The following CCDC3 variants were observed in gnomAD, a reference collection of about 807,000 sequenced individuals.
The protein encoded by CCDC3 is coiled-coil domain containing 3.
A neutral mutation model predicts 21.4 loss-of-function variants in CCDC3; 24 were observed. The observed-to-expected ratio is 1.12, with a 90% confidence interval of 0.81 to 1.58. The LOEUF (loss-of-function observed/expected upper bound fraction) is 1.58. CCDC3 is among the 40% of genes most tolerant of loss of function. The pLI is 0.00. For synonymous variants in CCDC3, 186 were observed against 166.0 expected, an observed-to-expected ratio of 1.12 and a Z score of -0.93; for missense variants, 425 against 360.9, an observed-to-expected ratio of 1.18 and a Z score of -1.44.
At chr10:13,058,323 A>G in intron 4 of CCDC3, 1 of 1,317,000 alleles carries the variant, frequency 7.6e-7, no homozygotes, top group South Asian at 1.2e-5. Flanking sequence ...TGGCCTTCAT[A>G]GATCTTGTCC....
intron 3 of CCDC3, among the ~76,000 whole-genome samples, chr10:13,075,977 G>A (rs553506440): frequency 6.6e-5 from 10 of 152,198 alleles, no homozygotes; most frequent in African/African-American, 2.2e-4. Flanking sequence ...CAGGAGAATT[G>A]CTTGAACCTG....
chr10:12,960,320 C>T (rs1348328547), intron 2 of CCDC3, among the ~76,000 whole-genome samples: 2 of 152,106 alleles, frequency 1.3e-5, no homozygotes, highest in African/African-American at 4.8e-5. Context: ...ATTTCATTAT[C>T]TTTGAGTGTG....
intron 2 of CCDC3, among the ~76,000 whole-genome samples, chr10:12,962,402 A>C (rs753344550): frequency 6.6e-6 from 1 of 152,194 alleles, no homozygotes; most frequent in Non-Finnish European, 1.5e-5. Flanking sequence ...CAAGAGATCA[A>C]GACCATCCTG....
chr10:12,905,456 G>A (rs1162408627), intron 2 of CCDC3, among the ~76,000 whole-genome samples: 1 of 152,136 alleles, frequency 6.6e-6, no homozygotes, highest in Non-Finnish European at 1.5e-5. Context: ...GGGTTTGGAG[G>A]GCAGCTGGTC....
At chr10:12,934,080 ATAAAATTTTCTGTT>A (rs1458530923) in intron 2 of CCDC3, among the ~76,000 whole-genome samples, 1 of 152,244 alleles carries the variant, frequency 6.6e-6, no homozygotes, top group Non-Finnish European at 1.5e-5. Context: ...ATTTCATGCT[ATAAAATTTTCTGTT>A]AAGCTTTATT....
At chr10:12,986,785 C>CA (rs57601556) in intron 2 of CCDC3, among the ~76,000 whole-genome samples, 95,405 of 148,522 alleles carry the variant, frequency 0.64, 32,119 homozygotes, top group Non-Finnish European at 0.75. Context: ...AAAAAAAAAA[C>CA]AAAAAAACAA....
chr10:12,920,068 T>C (rs1047201944), intron 2 of CCDC3, among the ~76,000 whole-genome samples: 1 of 152,122 alleles, frequency 6.6e-6, no homozygotes, highest in Non-Finnish European at 1.5e-5. Flanking sequence ...TCTGTTTTCA[T>C]GCTGTGGATA....
intron 5 of CCDC3, among the ~76,000 whole-genome samples, chr10:13,035,484 C>G (rs1233502251): frequency 1.3e-5 from 2 of 152,168 alleles, no homozygotes; most frequent in African/African-American, 4.8e-5. Context: ...GAACAGGCCT[C>G]CTACTCTATG....
upstream of CCDC3, among the ~76,000 whole-genome samples, chr10:13,002,064 G>A (rs962060589): frequency 6.6e-6 from 1 of 152,210 alleles, no homozygotes; most frequent in Non-Finnish European, 1.5e-5. Flanking sequence ...ACATTTCAGA[G>A]TAAAAATACA....
chr10:13,003,669 T>C (rs1460925090), upstream of CCDC3, among the ~76,000 whole-genome samples: 3 of 152,224 alleles, frequency 2.0e-5, no homozygotes, highest in Non-Finnish European at 4.4e-5. Flanking sequence ...AGAAAGTTTT[T>C]CTTACTAACT....
chr10:13,052,000 A>G (rs1454531424), intron 4 of CCDC3, among the ~76,000 whole-genome samples: 2 of 152,134 alleles, frequency 1.3e-5, no homozygotes, highest in African/African-American at 4.8e-5. Context: ...GCAGCTGCTC[A>G]TCTAAGCATG....
At chr10:12,900,453 C>A (rs939478824) in intron 2 of CCDC3, among the ~76,000 whole-genome samples, 3 of 138,064 alleles carry the variant, frequency 2.2e-5, no homozygotes, top group Non-Finnish European at 4.5e-5. Context: ...CTGAGGTGGG[C>A]GGATCACAAG....
At chr10:12,914,282 G>C (rs1834315415) in intron 2 of CCDC3, among the ~76,000 whole-genome samples, 1 of 152,002 alleles carries the variant, frequency 6.6e-6, no homozygotes, top group Non-Finnish European at 1.5e-5. Flanking sequence ...CAAATTTTCT[G>C]TTTACTCATG....
upstream of CCDC3, among the ~76,000 whole-genome samples, chr10:13,005,365 C>T (rs1009336486): frequency 1.3e-5 from 2 of 152,210 alleles, no homozygotes; most frequent in Admixed American, 1.3e-4. Context: ...ATGCAACTTG[C>T]TTGCACCATC....
At chr10:13,055,056 C>T (rs917463003) in intron 4 of CCDC3, among the ~76,000 whole-genome samples, 6 of 152,202 alleles carry the variant, frequency 3.9e-5, no homozygotes, top group Admixed American at 1.3e-4. Context: ...GTTATGCAGG[C>T]AGCTGCAAAC....
chr10:12,921,165 T>C (rs1414924713), intron 2 of CCDC3, among the ~76,000 whole-genome samples: 1 of 152,186 alleles, frequency 6.6e-6, no homozygotes, highest in Non-Finnish European at 1.5e-5. Flanking sequence ...CCATAATCTC[T>C]CTTTTGCGAG....
intron 4 of CCDC3, among the ~76,000 whole-genome samples, chr10:13,072,887 G>GTTTT (rs1836903160): frequency 8.9e-6 from 1 of 111,796 alleles, no homozygotes. Flanking sequence ...TTTTTTTTGA[G>GTTTT]ACAGAGTCTC....
At chr10:13,080,889 G>C (rs1188897887) in intron 3 of CCDC3, among the ~76,000 whole-genome samples, 2 of 152,252 alleles carry the variant, frequency 1.3e-5, no homozygotes, top group Non-Finnish European at 2.9e-5. Context: ...GGTTGGCCGG[G>C]TGAGTCACAA....
intron 2 of CCDC3, among the ~76,000 whole-genome samples, chr10:12,993,794 C>T (rs1372401970): frequency 6.6e-6 from 1 of 152,102 alleles, no homozygotes; most frequent in Non-Finnish European, 1.5e-5. Flanking sequence ...AAGAAAGATC[C>T]CGTTGCTATT....
Sources: allele counts gnomAD v4.1 joint callset (sites outside exome capture counted in the v4.1 genomes callset), GRCh38; gene constraint gnomAD v4.1.1; transcripts MANE v1.5; gene names NCBI Gene and HGNC (gene_info 2026-07-23, HGNC 2026-07-21).